The following SUCO variants were observed in gnomAD, a reference collection of about 807,000 sequenced individuals.
SUCO encodes the protein SUN domain-containing ossification factor.
A neutral mutation model predicts 148.1 loss-of-function variants in SUCO; 57 were observed. The observed-to-expected ratio is 0.38, with a 90% CI of 0.31 to 0.48. The LOEUF is 0.48. Among genes scored for constraint, SUCO ranks in the 20% least tolerant of loss-of-function variants. SUCO has a pLI of 0.96. For missense variants in SUCO, 1,331 were observed against 1,468.2 expected (o/e 0.91, Z 1.53); for synonymous variants, 470 against 502.7 (o/e 0.93, Z 0.87).
chr1:172,590,446 A>G (rs1262653624), intron 18 of SUCO: 1 of 754,752 alleles, frequency 1.3e-6, no homozygotes, highest in African/African-American at 1.9e-5. Context: ...AGTGCCAGAG[A>G]CAGTGCCAAT....
rs1185755498 is a variant in SUCO at position 172,606,669 on chromosome 1, A to G, written c.3266-2078A>G. Among the ~76,000 whole-genome samples the G allele has an allele frequency of 4.0e-5, 6 of 151,880 alleles. No homozygotes were observed. The East Asian group carries it at 9.6e-4, about 24-fold the overall frequency. ...TTCATTTGTCATTAGTTAAAACTGA[A>G]ATATTCTCCTCTTCTTTTTCTTTAT... On this transcript the variant is annotated intron_variant, in intron 22 of 23. Transcript: ENST00000263688.
intron 5 of SUCO, 39 bp from the exon 6 acceptor site, chr1:172,557,605 A>G: frequency 3.3e-6 from 5 of 1,531,758 alleles, no homozygotes; most frequent in Non-Finnish European, 4.4e-6. Context: ...GTTATCCAGT[A>G]AAATCTGTTT....
At chr1:172,538,894 T>C (rs892608638) in intron 1 of SUCO, among the ~76,000 whole-genome samples, 3 of 152,192 alleles carry the variant, frequency 2.0e-5, no homozygotes, top group African/African-American at 7.2e-5. Flanking sequence ...TGAAAGAAGG[T>C]GTGTGACATC....
Position 172,609,349 on chromosome 1 carries a change from G to A in SUCO, c.3322-467G>A, listed in dbSNP as rs567274101. 7.1e-6 allele frequency: 7 copies of A among 984,250 alleles called. No individual in the cohort carries two copies. The South Asian group carries it at 3.3e-4, about 46-fold the overall frequency. 61.0% of individuals were successfully genotyped at this position (984,250 alleles called of 1,614,324 possible). A position where few individuals can be genotyped will look rare whatever the true frequency, so the allele number is the denominator to read the frequency against. ...TAGTTGTAATTTCATCTAGGTGAAA[G>A]AACTTGGGCTTTGTAGGCAAATAGC... On this transcript the variant is annotated intron_variant, in intron 23 of 23. Coordinates refer to ENST00000263688, the MANE Select transcript of SUCO (RefSeq NM_014283.5).
chr1:172,577,990 C>CT (rs1312102390), intron 13 of SUCO, among the ~76,000 whole-genome samples, 171 bp downstream of exon 13: 1 of 138,442 alleles, frequency 7.2e-6, no homozygotes, highest in African/African-American at 2.8e-5. Flanking sequence ...AAAATATCCT[C>CT]TTTTAAAAAA....
At chr1:172,574,038 C>A in intron 10 of SUCO, 40 bp downstream of exon 10, 1 of 1,217,360 alleles carries the variant, frequency 8.2e-7, no homozygotes, top group South Asian at 1.4e-5. Context: ...TATGTTGGAT[C>A]TCTGAAAAAA....
chr1:172,591,138 G>A, intron 19 of SUCO, 67 bp downstream of exon 19: 1 of 1,193,228 alleles, frequency 8.4e-7, no homozygotes, highest in Non-Finnish European at 1.2e-6. Context: ...GGTCTCACTG[G>A]TAAACAGTAA....
rs370926027 is a variant in SUCO at position 172,579,706 on chromosome 1, G to C, written c.1498+439G>C. Among the ~76,000 whole-genome samples the C allele has an allele frequency of 2.6e-5, 4 of 152,096 alleles. No individual in the cohort carries two copies. In the East Asian group the frequency reaches 5.8e-4, roughly 22 times the overall value. ...TAATAATATACTCCTTGTAAACTAA[G>C]AAACAATGAATAAGATATACTGGTG... On this transcript the variant is annotated intron_variant, in intron 15 of 23. Transcript: ENST00000263688.
At chr1:172,551,428 A>T (rs1320316310) in intron 1 of SUCO, 84 bp from the exon 2 acceptor site, 1 of 761,888 alleles carries the variant, frequency 1.3e-6, no homozygotes, top group Non-Finnish European at 2.1e-6. Flanking sequence ...TCTAGCCCAT[A>T]TAGAAATATG....
At chr1:172,595,229 A>G (rs1025901965) in intron 19 of SUCO, among the ~76,000 whole-genome samples, 1 of 151,330 alleles carries the variant, frequency 6.6e-6, no homozygotes, top group Admixed American at 6.6e-5. Flanking sequence ...GGTCTTGACT[A>G]TCCAATTTGC....
chr1:172,571,555 G>T (rs1231249800), intron 9 of SUCO, among the ~76,000 whole-genome samples: 2 of 146,580 alleles, frequency 1.4e-5, no homozygotes, highest in African/African-American at 2.5e-5. Context: ...CTGCCTGGCT[G>T]CCCAGTCTGG....
At chr1:172,574,645 T>G (rs1655297296) in intron 10 of SUCO, among the ~76,000 whole-genome samples, 1 of 152,044 alleles carries the variant, frequency 6.6e-6, no homozygotes, top group African/African-American at 2.4e-5. Flanking sequence ...CTTTTACACG[T>G]ATCATTTTTA....
At chr1:172,601,853 G>A (rs746615740) in intron 20 of SUCO, among the ~76,000 whole-genome samples, 26 of 151,928 alleles carry the variant, frequency 1.7e-4, no homozygotes, top group Non-Finnish European at 2.9e-4. Flanking sequence ...ACTTCCATAG[G>A]TTTCACTCCT....
intron 6 of SUCO, among the ~76,000 whole-genome samples, chr1:172,565,327 G>C (rs920386634): frequency 2.6e-5 from 4 of 152,150 alleles, no homozygotes; most frequent in African/African-American, 9.7e-5. Context: ...GCAGTTACAA[G>C]CAAAGCAGTT....
intron 4 of SUCO, 132 bp downstream of exon 4, chr1:172,556,155 C>T: frequency 1.6e-6 from 1 of 643,070 alleles, no homozygotes; most frequent in Non-Finnish European, 2.6e-6. Flanking sequence ...AATTACAGTG[C>T]TTGTGTTTTG....
chr1:172,546,769 C>T (rs1276726632), intron 1 of SUCO, among the ~76,000 whole-genome samples: 1 of 152,138 alleles, frequency 6.6e-6, no homozygotes, highest in African/African-American at 2.4e-5. Context: ...ATTAGCCAGA[C>T]ATTTTGGTGC....
chr1:172,585,958 A>T lies in SUCO; in HGVS notation c.1658+10A>T, dbSNP rs748699393. The T allele has an allele frequency of 1.3e-6, 2 of 1,541,896 alleles. No homozygotes were observed. Among genetic ancestry groups the T allele is most frequent in the South Asian group, 1.2e-5 (1 of 84,694 alleles). On this transcript the variant is annotated intron_variant, in intron 17 of 23. Coordinates refer to ENST00000263688, the MANE Select transcript of SUCO (RefSeq NM_014283.5). ...CTGTTCCATCTCCTGAGTAAGTTAT[A>T]ATGTGATATTAAATAGAATTTTGTT... is the stretch of plus-strand genomic sequence containing the variant.
At chr1:172,561,476 T>A (rs1654148689) in intron 6 of SUCO, among the ~76,000 whole-genome samples, 1 of 152,094 alleles carries the variant, frequency 6.6e-6, no homozygotes, top group African/African-American at 2.4e-5. Flanking sequence ...ATGCTATAAT[T>A]TTTGAAATAT....
chr1:172,568,305 T>TAC, intron 6 of SUCO: 2 of 905,998 alleles, frequency 2.2e-6, no homozygotes, highest in Non-Finnish European at 2.6e-6. Flanking sequence ...ATTCTTTGCT[T>TAC]CCCACCCACC....
Sources: gnomAD v4.1 joint callset for allele counts (sites outside exome capture counted in the v4.1 genomes callset) on GRCh38, gnomAD v4.1.1 for gene constraint, MANE v1.5 for transcripts, NCBI Gene and HGNC (gene_info 2026-07-23, HGNC 2026-07-21) for gene names.